Variants in FLII observed in about 807,000 individuals in gnomAD.
FLII encodes the protein FLII actin remodeling protein.
In FLII, 101 loss-of-function variants were observed where a neutral mutation model predicts 156.2. The observed-to-expected ratio is 0.65, with a 90% CI of 0.55 to 0.76. FLII has a LOEUF of 0.76. Among genes scored for constraint, FLII ranks in the 30% least tolerant of loss-of-function variants. The probability of loss-of-function intolerance (pLI) is 0.00; values close to 1 mark genes in which losing one functional copy is unlikely to be tolerated. For synonymous variants in FLII, 767 were observed against 685.8 expected, an observed-to-expected ratio of 1.12 and a Z score of -1.85; for missense variants, 1,675 against 1,682.8, an observed-to-expected ratio of 1.00 and a Z score of 0.08.
chr17:18,258,552 A>G lies in FLII; in HGVS notation c.63+76T>C. ...CGCAGGGCCTGGAGCCGAGCGGGACAGGAAGCGGAGGCCAAGCGGGCCGGG... is the reference window on the plus strand; with the variant it reads ...CGCAGGGCCTGGAGCCGAGCGGGACGGGAAGCGGAGGCCAAGCGGGCCGGG... On this transcript the variant is annotated intron_variant, in intron 1 of 29. Coordinates refer to ENST00000327031, the MANE Select transcript of FLII (RefSeq NM_002018.4). The surrounding 1 kb of genome is among the most constrained non-coding windows in gnomAD (Gnocchi z 4.2). 1.3e-6 allele frequency: 2 copies of G among 1,520,416 alleles called. No homozygotes were observed. Among genetic ancestry groups the G allele is most frequent in the Non-Finnish European group, 1.8e-6 (2 of 1,141,064 alleles). The allele number at this position is 1,520,416 out of a possible 1,614,324, so 94.2% of individuals were successfully genotyped here. A position where few individuals can be genotyped will look rare whatever the true frequency, so the allele number is the denominator to read the frequency against.
rs1405237672 is a variant in FLII, at chr17:18,248,781, C to G, written c.2018+19G>C. The G allele has an allele frequency of 6.2e-7, 1 of 1,613,890 alleles. No homozygotes were observed. Among genetic ancestry groups the G allele is most frequent in the Admixed American group, 1.7e-5 (1 of 60,038 alleles). ...ACACCCCTTTCCTTCACACAAAAGA[C>G]CCCACGGTGTCCTTGTACCTGGCCT... is the stretch of plus-strand genomic sequence containing the variant. On this transcript the variant is annotated intron_variant, in intron 17 of 29. Coordinates refer to ENST00000327031, the MANE Select transcript of FLII (RefSeq NM_002018.4).
chr17:18,258,789 T>A, upstream of FLII: 1 of 779,034 alleles, frequency 1.3e-6, no homozygotes, highest in Non-Finnish European at 1.7e-6. This position sits in a 1 kb window ranked among gnomAD's most constrained non-coding sequence, Gnocchi z 4.2. Context: ...CCCGCCCCTT[T>A]AACCCGCCCG....
chr17:18,253,829 A>C, intron 7 of FLII, 110 bp from the exon 8 acceptor site: 1 of 1,134,826 alleles, frequency 8.8e-7, no homozygotes, highest in African/African-American at 1.6e-5. Context: ...TGGCTTAGGC[A>C]AGTGACAACT....
Position 18,247,006 on chromosome 17 carries a change from T to C in FLII, c.2723A>G (p.Glu908Gly). 1.9e-6 allele frequency: 3 copies of C among 1,613,830 alleles called. No homozygotes were observed. Among genetic ancestry groups the C allele is most frequent in the Non-Finnish European group, 2.5e-6 (3 of 1,179,988 alleles). The change falls in exon 22 of 30, where the codon GAG becomes GGG. Residue 908 changes from glutamate to glycine, a missense_variant. This residue lies in a region of FLII where 1,332 missense variants were observed against 1,269.3 expected (regional missense o/e 1.05). Coordinates refer to ENST00000327031, the MANE Select transcript of FLII (RefSeq NM_002018.4). ...EEWNEDLDGMEGFVLEGKKFA... is the reference protein window; with the variant it reads ...EEWNEDLDGMGGFVLEGKKFA... ...CTTCTTGCCCTCCAGCACGAAACCC[T>C]CCATGCCGTCTAGGTCTTCGTTCCA...
intron 20 of FLII, 29 bp downstream of exon 20, chr17:18,247,628 G>T (rs1159219126): frequency 6.5e-7 from 1 of 1,544,936 alleles, no homozygotes; most frequent in Non-Finnish European, 8.7e-7. Context: ...AAGGATCCTG[G>T]GGAGGGGCCT....
chr17:18,251,543 A>AC, intron 12 of FLII, 66 bp from the exon 13 acceptor site: 1 of 1,563,092 alleles, frequency 6.4e-7, no homozygotes, highest in South Asian at 1.2e-5. Context: ...TTTACTTGCT[A>AC]CCCACACCTC....
chr17:18,255,896 CAA>C (rs1332873262), intron 3 of FLII, among the ~76,000 whole-genome samples: 1 of 152,240 alleles, frequency 6.6e-6, no homozygotes, highest in East Asian at 1.9e-4. Context: ...GCGATTTGTA[CAA>C]AGTCACATCA....
intron 24 of FLII, 34 bp from the exon 25 acceptor site, chr17:18,246,256 G>A (rs1048370552): frequency 6.2e-7 from 1 of 1,614,170 alleles, no homozygotes. Flanking sequence ...CAAGGATTCA[G>A]GCCTGGCTCC....
intron 14 of FLII, among the ~76,000 whole-genome samples, chr17:18,250,317 C>G (rs115643474): frequency 0.026 from 3,927 of 152,076 alleles, 164 homozygotes; most frequent in African/African-American, 0.084. Flanking sequence ...AAACTCGGGG[C>G]GGGTGGGGTG....
At position 18,245,405 on chromosome 17, in the gene FLII, C is replaced by G; in HGVS notation, c.3624G>C (p.Val1208=). ...TCTCCACCTGGCTAGTCTGGGTCCC[C>G]ACCCACATGTAGACCTGTGGGGGCA... ...LDNGQEVYMW[V]GTQTSQVEIK... Residue 1208 remains valine (V), a synonymous_variant, in exon 29 of 30, where the codon GTG becomes GTC. Transcript: ENST00000327031. 1.2e-6 allele frequency: 2 copies of G among 1,614,212 alleles called. No individual in the cohort carries two copies. Among genetic ancestry groups the G allele is most frequent in the Non-Finnish European group, 1.7e-6 (2 of 1,180,030 alleles).
chr17:18,250,603 G>C (rs73289913), intron 14 of FLII, among the ~76,000 whole-genome samples: 1 of 152,084 alleles, frequency 6.6e-6, no homozygotes, highest in Admixed American at 6.5e-5. Flanking sequence ...ATCCTTGCCC[G>C]GCTGAATTCT....
Position 18,258,057 on chromosome 17 carries a change from A to T in FLII, c.63+571T>A, listed in dbSNP as rs2048479741. ...AGCACCTGGCACACCGGCCTGACAC[A>T]CTCTCCACACCAACAAATCTCACTA... On this transcript the variant is annotated intron_variant, in intron 1 of 29. Transcript: ENST00000327031. The surrounding 1 kb of genome is among the most constrained non-coding windows in gnomAD (Gnocchi z 4.2). Among the ~76,000 whole-genome samples, 1 of 152,018 alleles carries T rather than the reference A, an allele frequency of 6.6e-6. No homozygotes were observed. The highest frequency in any genetic ancestry group is 2.1e-4 in the South Asian group (1 of 4,826).
At position 18,258,409 on chromosome 17, in the gene FLII, G is replaced by A; in HGVS notation, c.63+219C>T. On this transcript the variant is annotated intron_variant, in intron 1 of 29. Transcript: ENST00000327031. The surrounding 1 kb of genome is among the most constrained non-coding windows in gnomAD (Gnocchi z 4.2). The stretch of plus-strand genomic sequence containing the variant: ...CCCCGGCGGGACTCCGAGCCCAAGC[G>A]TCCGTCCCCGGCCTGCCCAGCCTCG... 2 of 1,373,026 alleles carry A rather than the reference G, an allele frequency of 1.5e-6. No individual in the cohort carries two copies. The highest frequency in any genetic ancestry group is 2.0e-6 in the Non-Finnish European group (2 of 1,022,302). 85.1% of individuals were successfully genotyped at this position (1,373,026 alleles called of 1,614,324 possible). A position where few individuals can be genotyped will look rare whatever the true frequency, so the allele number is the denominator to read the frequency against.
rs758807081 is a variant in FLII, at chr17:18,253,549, G to A, written c.850C>T (p.Leu284=). 5 of 1,613,232 alleles carry A rather than the reference G, an allele frequency of 3.1e-6. No homozygotes were observed. In the Admixed American group the frequency reaches 6.7e-5, roughly 22 times the overall value. ...ACTGAGGGCCTCAGACGCACGGGCA[G>A]TGAGGTGAGCTGATTTCGGGACAGG... is the stretch of plus-strand genomic sequence containing the variant. ...LNLSRNQLTS[L]PSAICKLSKL... is the part of the protein sequence containing the mutation. Residue 284 remains leucine, a synonymous_variant, in exon 8 of 30, where the codon CTG becomes TTG. Transcript: ENST00000327031.
chr17:18,250,372 G>A (rs1329808660), intron 14 of FLII, among the ~76,000 whole-genome samples: 1 of 152,116 alleles, frequency 6.6e-6, no homozygotes, highest in Non-Finnish European at 1.5e-5. Flanking sequence ...ATATGTCTAG[G>A]TGTAACCAGC....
chr17:18,251,065 G>A (rs1567712375), intron 13 of FLII, 48 bp from the exon 14 acceptor site: 1 of 1,573,568 alleles, frequency 6.4e-7, no homozygotes, highest in Admixed American at 1.8e-5. Context: ...TGGTCTTCCG[G>A]CCACCCCGGA....
chr17:18,249,019 G>A (rs2048176794), intron 16 of FLII, 108 bp downstream of exon 16: 8 of 1,368,186 alleles, frequency 5.8e-6, no homozygotes, highest in Non-Finnish European at 3.1e-6. Context: ...CAAGCTCGTG[G>A]GCAGGAATTG....
In FLII at chr17:18,250,999, C is replaced by T. The variant is rs770243579; in HGVS notation, c.1615G>A (p.Gly539Ser). Residue 539 changes from glycine to serine, a missense_variant, in exon 14 of 30, where the codon GGC becomes AGC. This residue lies in a region of FLII where 1,332 missense variants were observed against 1,269.3 expected (regional missense o/e 1.05). Transcript: ENST00000327031. ...TAGTAGATCTCCCAGTTGAGGGAGC[C>T]GCTGTCATCCAGAAAGGTCTGGAAG... is the stretch of plus-strand genomic sequence containing the variant. ...IVLKTFLDDSGSLNWEIYYWI... is the reference protein window; with the variant it reads ...IVLKTFLDDSSSLNWEIYYWI... 1.7e-5 allele frequency: 27 copies of T among 1,613,316 alleles called. No homozygotes were observed. Among genetic ancestry groups the T allele is most frequent in the South Asian group, 9.9e-5 (9 of 91,062 alleles).
intron 9 of FLII, 51 bp downstream of exon 9, chr17:18,253,250 G>C: frequency 6.2e-7 from 1 of 1,602,136 alleles, no homozygotes; most frequent in Admixed American, 1.7e-5. Flanking sequence ...CTACGATCCC[G>C]GGGTTCTCTG....
Sources: gnomAD v4.1 joint callset for allele counts (sites outside exome capture counted in the v4.1 genomes callset) on GRCh38, gnomAD v4.1.1 for gene constraint, gnomAD v4.1.1 regional missense constraint, Gnocchi (gnomAD v3.1) non-coding constraint, MANE v1.5 for transcripts, NCBI Gene and HGNC (gene_info 2026-07-23, HGNC 2026-07-21) for gene names.